MAPT: variants seen among roughly 807,000 people sequenced by gnomAD.
The protein encoded by MAPT is microtubule-associated protein tau.
Under a neutral mutation model 67.9 loss-of-function variants are expected in MAPT, and 34 were observed. That is an observed-to-expected ratio of 0.50 (90% CI 0.38 to 0.67). MAPT has a LOEUF of 0.67. Ranked by LOEUF, MAPT falls within the 30% of genes least tolerant of loss-of-function variation. The pLI, the probability that MAPT is intolerant of heterozygous loss-of-function variation, is 0.00. For missense variants in MAPT, 881 were observed against 1,115.2 expected, an observed-to-expected ratio of 0.79 and a Z score of 2.99; for synonymous variants, 456 against 464.5, an observed-to-expected ratio of 0.98 and a Z score of 0.23.
In MAPT at chr17:46,010,820, C is replaced by T. The variant is rs1409408044; in HGVS notation, c.2091+418C>T. Among the ~76,000 whole-genome samples the T allele has an allele frequency of 2.6e-5, 4 of 152,210 alleles. No individual in the cohort carries two copies. Among genetic ancestry groups the T allele is most frequent in the East Asian group, 1.9e-4 (1 of 5,194 alleles). ...GTGGTGGCACCTGAGACTGGGCTGC[C>T]GCCTCCTCCCCCGACACCTGGGCAG... On this transcript the variant is annotated intron_variant, in intron 10 of 12. Coordinates refer to ENST00000262410, the MANE Select transcript of MAPT (RefSeq NM_001377265.1). This position sits in a 1 kb window ranked among gnomAD's most constrained non-coding sequence, Gnocchi z 4.7.
chr17:45,991,544 C>T lies in MAPT; in HGVS notation c.1690C>T (p.Pro564Ser). Reference protein sequence around the residue: ...QKGQANATRIPAKTPPAPKTP... With the variant: ...QKGQANATRISAKTPPAPKTP... ...GGGCCAGGCCAACGCCACCAGGATT[C>T]CAGCAAAAACCCCGCCCGCTCCAAA... Residue 564 changes from proline to serine, a missense_variant, in exon 8 of 13, where the codon CCA (proline) becomes TCA (serine). Coordinates refer to ENST00000262410, the MANE Select transcript of MAPT (RefSeq NM_001377265.1). 2.5e-6 allele frequency: 4 copies of T among 1,614,174 alleles called. No individual in the cohort carries two copies. The highest frequency in any genetic ancestry group is 3.4e-6 in the Non-Finnish European group (4 of 1,180,032).
intron 1 of MAPT, among the ~76,000 whole-genome samples, chr17:45,924,008 G>C (rs1182687865): frequency 6.6e-6 from 1 of 152,204 alleles, no homozygotes; most frequent in Non-Finnish European, 1.5e-5. Flanking sequence ...TGCTATGTAA[G>C]TGTTCGATTT....
chr17:45,949,902 C>A (rs1037546726), intron 1 of MAPT, among the ~76,000 whole-genome samples: 2 of 152,202 alleles, frequency 1.3e-5, no homozygotes, highest in African/African-American at 4.8e-5. Flanking sequence ...AACCTACAGA[C>A]CTGCTAGACA....
At chr17:45,956,503 T>C (rs1041901459) in intron 1 of MAPT, among the ~76,000 whole-genome samples, 1 of 150,812 alleles carries the variant, frequency 6.6e-6, no homozygotes, top group Non-Finnish European at 1.5e-5. Context: ...CCAGAGCAAA[T>C]GGGGCTCATC....
intron 1 of MAPT, chr17:45,898,071 A>G (rs2063382287): frequency 6.6e-6 from 1 of 152,260 alleles, no homozygotes; most frequent in South Asian, 2.1e-4. Context: ...TAATGGATAA[A>G]CAGATAAGTG....
At chr17:46,003,513 AG>A (rs1400891382) in intron 9 of MAPT, among the ~76,000 whole-genome samples, 1 of 152,102 alleles carries the variant, frequency 6.6e-6, no homozygotes, top group African/African-American at 2.4e-5. Flanking sequence ...TCCTGGCCTC[AG>A]GTGATCTGCC....
At chr17:45,941,725 T>TCCTG (rs1568208384) in intron 1 of MAPT, among the ~76,000 whole-genome samples, 7 of 123,330 alleles carry the variant, frequency 5.7e-5, no homozygotes, top group African/African-American at 9.3e-5. Flanking sequence ...CTTCCTTCCT[T>TCCTG]CCTTCCTTCC....
chr17:45,931,216 A>C (rs2066820718), intron 1 of MAPT, among the ~76,000 whole-genome samples: 1 of 152,190 alleles, frequency 6.6e-6, no homozygotes, highest in Admixed American at 6.5e-5. Flanking sequence ...GTAGCCAGCC[A>C]TTTGACACCC....
chr17:45,914,841 C>T (rs944833178), intron 1 of MAPT, among the ~76,000 whole-genome samples: 2 of 151,814 alleles, frequency 1.3e-5, no homozygotes, highest in African/African-American at 4.8e-5. Flanking sequence ...CCACCTCAGC[C>T]TCCTGAGTAG....
At chr17:46,020,498 G>A (rs1045314294) in intron 12 of MAPT, among the ~76,000 whole-genome samples, 2 of 152,286 alleles carry the variant, frequency 1.3e-5, no homozygotes, top group Non-Finnish European at 1.5e-5. Flanking sequence ...GGGGAGTGGT[G>A]GAGGGAAAAG....
chr17:45,927,159 A>G (rs1406748381), intron 1 of MAPT, among the ~76,000 whole-genome samples: 1 of 152,110 alleles, frequency 6.6e-6, no homozygotes, highest in Non-Finnish European at 1.5e-5. Context: ...AAATTTTCAA[A>G]ACAAAAAATT....
chr17:45,902,929 C>T (rs1051535781), intron 1 of MAPT, among the ~76,000 whole-genome samples: 2 of 152,192 alleles, frequency 1.3e-5, no homozygotes, highest in African/African-American at 4.8e-5. Flanking sequence ...CTAGTCCCAG[C>T]TGCTGGTTTT....
intron 1 of MAPT, among the ~76,000 whole-genome samples, chr17:45,952,239 G>A (rs1236949006): frequency 6.6e-6 from 1 of 152,192 alleles, no homozygotes; most frequent in East Asian, 1.9e-4. Context: ...CCTTTATCCA[G>A]TTCTTCCAGA....
rs982468658 is a variant in MAPT at position 46,026,581 on chromosome 17, T to C, written c.*2410T>C. On this transcript the variant is annotated 3_prime_UTR_variant, in exon 13 of 13. Coordinates refer to ENST00000262410, the MANE Select transcript of MAPT (RefSeq NM_001377265.1). ...TCAGCCACCCCTCAGACTGGGTTCCTCTCCAAGCTCGCCCTCTGGAGGGGC... is the reference window on the plus strand; with the variant it reads ...TCAGCCACCCCTCAGACTGGGTTCCCCTCCAAGCTCGCCCTCTGGAGGGGC... The C allele has an allele frequency of 6.6e-6, 1 of 152,146 alleles. No individual in the cohort carries two copies. The highest frequency in any genetic ancestry group is 1.5e-5 in the Non-Finnish European group (1 of 68,056). 9.4% of individuals were successfully genotyped at this position (152,146 alleles called of 1,614,324 possible). A position where few individuals can be genotyped will look rare whatever the true frequency, so the allele number is the denominator to read the frequency against.
At chr17:45,911,387 G>A (rs1489449137) in intron 1 of MAPT, among the ~76,000 whole-genome samples, 1 of 152,172 alleles carries the variant, frequency 6.6e-6, no homozygotes, top group Non-Finnish European at 1.5e-5. Flanking sequence ...CCCAGCTGCT[G>A]GGGAATCTGA....
chr17:45,946,358 T>C (rs990106988), intron 1 of MAPT, among the ~76,000 whole-genome samples: 1 of 151,774 alleles, frequency 6.6e-6, no homozygotes, highest in African/African-American at 2.4e-5. Context: ...TACCACCACT[T>C]TGGGAGGCTG....
intron 1 of MAPT, among the ~76,000 whole-genome samples, chr17:45,961,079 G>A (rs534567408): frequency 2.0e-4 from 31 of 152,076 alleles, no homozygotes; most frequent in Admixed American, 6.6e-4. Context: ...GGTTGAATGG[G>A]GCAACCCGAA....
intron 1 of MAPT, among the ~76,000 whole-genome samples, chr17:45,950,645 T>G (rs62062801): frequency 0.14 from 21,813 of 152,196 alleles, 2,134 homozygotes; most frequent in Non-Finnish European, 0.22. Flanking sequence ...CCCATACTTT[T>G]AATTTTTAAA....
chr17:45,907,809 C>A (rs543225274), intron 1 of MAPT: 1 of 152,186 alleles, frequency 6.6e-6, no homozygotes, highest in Non-Finnish European at 1.5e-5. Context: ...CTGCTAAAAC[C>A]ATTGCCTCGT....
Sources: allele counts gnomAD v4.1 joint callset (sites outside exome capture counted in the v4.1 genomes callset), GRCh38; gene constraint gnomAD v4.1.1; non-coding constraint Gnocchi (gnomAD v3.1); transcripts MANE v1.5; gene names NCBI Gene and HGNC (gene_info 2026-07-23, HGNC 2026-07-21).